Variants in CAMK4 observed in about 807,000 individuals in gnomAD.
The protein encoded by CAMK4 is calcium/calmodulin-dependent protein kinase type IV.
Under a neutral mutation model 44.9 loss-of-function variants are expected in CAMK4, and 22 were observed. The ratio of observed to expected loss-of-function variants is 0.49; its 90% CI spans 0.35 to 0.70. The LOEUF (loss-of-function observed/expected upper bound fraction) is 0.70, where lower values mean the gene tolerates loss of function less well. CAMK4 is among the 30% of genes least tolerant of loss of function. The pLI, the probability that CAMK4 is intolerant of heterozygous loss-of-function variation, is 0.01. For missense variants in CAMK4, 498 were observed against 586.8 expected (o/e 0.85, Z 1.56); for synonymous variants, 218 against 215.4 (o/e 1.01, Z -0.11).
At chr5:111,236,745 T>G (rs1748747265) in intron 1 of CAMK4, among the ~76,000 whole-genome samples, 1 of 152,230 alleles carries the variant, frequency 6.6e-6, no homozygotes, top group Non-Finnish European at 1.5e-5. Flanking sequence ...CTCCAGTGTT[T>G]ATGGTCTTAC....
intron 5 of CAMK4, among the ~76,000 whole-genome samples, chr5:111,435,936 T>C (rs1239289736): frequency 6.6e-6 from 1 of 152,186 alleles, no homozygotes; most frequent in Non-Finnish European, 1.5e-5. Flanking sequence ...AAATAAATAT[T>C]ATATGCTGAT....
At chr5:111,472,646 A>G (rs879442477) in intron 7 of CAMK4, among the ~76,000 whole-genome samples, 3 of 152,154 alleles carry the variant, frequency 2.0e-5, no homozygotes, top group Admixed American at 2.0e-4. Flanking sequence ...TTTTCACAAC[A>G]GCGGGCAGAA....
intron 5 of CAMK4, among the ~76,000 whole-genome samples, chr5:111,399,358 C>T (rs902451558): frequency 6.6e-6 from 1 of 152,200 alleles, no homozygotes; most frequent in Non-Finnish European, 1.5e-5. Flanking sequence ...GACCACTCTA[C>T]CTATAATAAT....
At chr5:111,474,698 T>C (rs1437915762) in intron 8 of CAMK4, among the ~76,000 whole-genome samples, 1 of 152,176 alleles carries the variant, frequency 6.6e-6, no homozygotes, top group African/African-American at 2.4e-5. Context: ...GGACTAGGAA[T>C]GGGCTAACTG....
At chr5:111,376,837 CT>C (rs764413102) in intron 3 of CAMK4, 22 bp from the exon 4 acceptor site, 56 of 1,398,942 alleles carry the variant, frequency 4.0e-5, no homozygotes, top group South Asian at 1.1e-4. Flanking sequence ...TTGTGATATT[CT>C]TTTTTTTATA....
chr5:111,284,638 G>C (rs78525389), intron 1 of CAMK4, among the ~76,000 whole-genome samples: 90 of 152,322 alleles, frequency 5.9e-4, no homozygotes, highest in African/African-American at 2.2e-3. Context: ...CTGGAGCACA[G>C]CAGAACTGTT....
intron 3 of CAMK4, 113 bp downstream of exon 3, chr5:111,375,025 T>A: frequency 1.4e-6 from 1 of 715,742 alleles, no homozygotes. Context: ...CACTGATAGC[T>A]ACTATGTGCT....
chr5:111,242,984 C>G (rs890697029), intron 1 of CAMK4, among the ~76,000 whole-genome samples: 3 of 152,098 alleles, frequency 2.0e-5, no homozygotes, highest in Non-Finnish European at 4.4e-5. Context: ...TGCACTGTGG[C>G]GAGGTCCTGT....
intron 1 of CAMK4, among the ~76,000 whole-genome samples, chr5:111,340,391 T>C (rs567622025): frequency 4.6e-5 from 7 of 151,344 alleles, no homozygotes; most frequent in Non-Finnish European, 8.9e-5. Context: ...AGGTACATTC[T>C]TTCTATACGT....
chr5:111,258,772 TGTG>T (rs2112556853), intron 1 of CAMK4, among the ~76,000 whole-genome samples: 1 of 151,488 alleles, frequency 6.6e-6, no homozygotes, highest in African/African-American at 2.4e-5. Flanking sequence ...TGTGTGTGTG[TGTG>T]TGTGTGTGCA....
chr5:111,447,528 C>G (rs1754071691), intron 6 of CAMK4, among the ~76,000 whole-genome samples: 1 of 152,116 alleles, frequency 6.6e-6, no homozygotes, highest in Admixed American at 6.6e-5. Flanking sequence ...TTCTGATCTA[C>G]CCAAAGAAAC....
chr5:111,269,165 A>G (rs1290310813), intron 1 of CAMK4, among the ~76,000 whole-genome samples: 5 of 152,230 alleles, frequency 3.3e-5, no homozygotes, highest in Non-Finnish European at 7.3e-5. Context: ...GTATTTGCCA[A>G]GAAAATGGAG....
chr5:111,433,393 T>C (rs2112944392), intron 5 of CAMK4, among the ~76,000 whole-genome samples: 1 of 152,318 alleles, frequency 6.6e-6, no homozygotes, highest in Non-Finnish European at 1.5e-5. Context: ...TGCCCAGTTT[T>C]CTTGCAGCAT....
intron 7 of CAMK4, among the ~76,000 whole-genome samples, chr5:111,455,442 G>A (rs559009499): frequency 6.6e-6 from 1 of 152,290 alleles, no homozygotes; most frequent in East Asian, 1.9e-4. Context: ...ATGATTAAAT[G>A]TGGCACTTCA....
At chr5:111,415,581 G>A (rs1752786571) in intron 5 of CAMK4, among the ~76,000 whole-genome samples, 1 of 152,184 alleles carries the variant, frequency 6.6e-6, no homozygotes, top group South Asian at 2.1e-4. Flanking sequence ...TTCGTGCATA[G>A]CATATATAGG....
chr5:111,236,260 C>G (rs1748714636), intron 1 of CAMK4, among the ~76,000 whole-genome samples: 1 of 152,334 alleles, frequency 6.6e-6, no homozygotes, highest in Middle Eastern at 3.4e-3. Context: ...TCAGTTTATA[C>G]AGCCTTGTTA....
chr5:111,458,250 C>T (rs1206472797), intron 7 of CAMK4, among the ~76,000 whole-genome samples: 1 of 152,088 alleles, frequency 6.6e-6, no homozygotes, highest in Non-Finnish European at 1.5e-5. Flanking sequence ...TACAGGGTGG[C>T]GAGGAAGGGT....
intron 9 of CAMK4, among the ~76,000 whole-genome samples, chr5:111,480,943 C>T (rs1755415052): frequency 6.6e-6 from 1 of 152,102 alleles, no homozygotes; most frequent in East Asian, 1.9e-4. Flanking sequence ...CCTTGAGCTC[C>T]ATAAATGTAT....
intron 1 of CAMK4, among the ~76,000 whole-genome samples, chr5:111,325,260 A>G (rs1323573415): frequency 6.6e-6 from 1 of 152,062 alleles, no homozygotes; most frequent in Non-Finnish European, 1.5e-5. Flanking sequence ...CCAGTCTATC[A>G]TTGATGGGCA....
Sources: gnomAD v4.1 joint callset for allele counts (sites outside exome capture counted in the v4.1 genomes callset) on GRCh38, gnomAD v4.1.1 for gene constraint, MANE v1.5 for transcripts, NCBI Gene and HGNC (gene_info 2026-07-23, HGNC 2026-07-21) for gene names.